TMEM132D: variants seen among roughly 807,000 people sequenced by gnomAD.
TMEM132D encodes the protein mature OL transmembrane protein.
A neutral mutation model predicts 62.3 loss-of-function variants in TMEM132D; 21 were observed. The observed-to-expected ratio is 0.34, with a 90% CI of 0.24 to 0.49. TMEM132D has a LOEUF of 0.49. Among genes scored for constraint, TMEM132D ranks in the 20% least tolerant of loss-of-function variants. The probability of loss-of-function intolerance (pLI) is 0.99; values close to 1 mark genes in which losing one functional copy is unlikely to be tolerated. For missense variants in TMEM132D, 1,346 were observed against 1,402.8 expected (o/e 0.96, Z 0.65); for synonymous variants, 621 against 575.6 (o/e 1.08, Z -1.13).
chr12:129,712,628 C>G (rs983790518), intron 1 of TMEM132D, among the ~76,000 whole-genome samples: 4 of 152,122 alleles, frequency 2.6e-5, no homozygotes, highest in African/African-American at 7.2e-5. Flanking sequence ...CTGGCGCTAC[C>G]AAGAAACTGA....
At position 129,082,144 on chromosome 12, in the gene TMEM132D, G is replaced by A. The variant is rs1593253579; in HGVS notation, c.1650-112C>T. 4.5e-6 allele frequency: 6 copies of A among 1,340,882 alleles called. No individual in the cohort carries two copies. In the East Asian group the frequency reaches 1.4e-4, roughly 31 times the overall value. The allele number at this position is 1,340,882 out of a possible 1,614,324, so 83.1% of individuals were successfully genotyped here. A position where few individuals can be genotyped will look rare whatever the true frequency, so the allele number is the denominator to read the frequency against. ...GGTAGGTAGGCCATGAGACTTCAAG[G>A]AGTTTATAGCCAGACATGCAGAGGT... On this transcript the variant is annotated intron_variant, in intron 6 of 8. Transcript: ENST00000422113.
At chr12:129,811,165 ATAAAATGT>A (rs1872165395) in intron 1 of TMEM132D, among the ~76,000 whole-genome samples, 2 of 151,912 alleles carry the variant, frequency 1.3e-5, no homozygotes, top group East Asian at 3.9e-4. Flanking sequence ...ACCGAAGAAC[ATAAAATGT>A]TTGGGGAAAA....
At chr12:129,680,289 G>A (rs1417990858) in intron 2 of TMEM132D, among the ~76,000 whole-genome samples, 2 of 152,082 alleles carry the variant, frequency 1.3e-5, no homozygotes, top group African/African-American at 4.8e-5. Flanking sequence ...TACATCCTTG[G>A]ATGATCTCTT....
chr12:129,096,783 C>T lies in TMEM132D; in HGVS notation c.1444-12081G>A, dbSNP rs143648870. 4.4e-3 allele frequency among the ~76,000 whole-genome samples: 675 copies of T among 152,278 alleles called. 2 individuals are homozygous for T. Among genetic ancestry groups the T allele is most frequent in the Non-Finnish European group, 7.1e-3 (485 of 68,028 alleles). On this transcript the variant is annotated intron_variant, in intron 5 of 8. Coordinates refer to ENST00000422113, the MANE Select transcript of TMEM132D (RefSeq NM_133448.3). The stretch of plus-strand genomic sequence containing the variant: ...GAAGATTCCATATATAGTCCATATT[C>T]TATAGCCTATTTTCTTCTAAAATCA...
intron 5 of TMEM132D, among the ~76,000 whole-genome samples, chr12:129,194,010 T>G (rs2135557736): frequency 6.6e-6 from 1 of 152,382 alleles, no homozygotes; most frequent in South Asian, 2.1e-4. Flanking sequence ...GCCTGACTTT[T>G]GGCATTTTGA....
chr12:129,612,631 T>C (rs1366618904), intron 2 of TMEM132D, among the ~76,000 whole-genome samples: 2 of 151,480 alleles, frequency 1.3e-5, no homozygotes, highest in Non-Finnish European at 2.9e-5. Context: ...TTTTAAAATA[T>C]ATATATATAT....
At chr12:129,336,197 A>T (rs1346505792) in intron 4 of TMEM132D, among the ~76,000 whole-genome samples, 2 of 152,240 alleles carry the variant, frequency 1.3e-5, no homozygotes, top group African/African-American at 4.8e-5. Context: ...TGTTGCTCTC[A>T]GCCAAATGCA....
intron 5 of TMEM132D, among the ~76,000 whole-genome samples, chr12:129,159,549 G>A (rs912032201): frequency 6.6e-6 from 1 of 152,090 alleles, no homozygotes; most frequent in Non-Finnish European, 1.5e-5. Context: ...TTGAGGCCAG[G>A]AGTTTGAGAC....
intron 5 of TMEM132D, among the ~76,000 whole-genome samples, chr12:129,101,017 T>C (rs188903719): frequency 6.6e-6 from 1 of 152,036 alleles, no homozygotes; most frequent in Non-Finnish European, 1.5e-5. Context: ...GTGGCACCAG[T>C]TGATGGCAGG....
chr12:129,330,540 A>G (rs1869070201), intron 4 of TMEM132D, among the ~76,000 whole-genome samples: 1 of 152,148 alleles, frequency 6.6e-6, no homozygotes, highest in Admixed American at 6.5e-5. Flanking sequence ...ATGTGAATAA[A>G]CCCATTCATG....
At chr12:129,182,159 C>T (rs940897148) in intron 5 of TMEM132D, among the ~76,000 whole-genome samples, 2 of 152,050 alleles carry the variant, frequency 1.3e-5, no homozygotes. Flanking sequence ...GTCAGGAGTT[C>T]GAGACCAGCC....
At chr12:129,572,288 C>T (rs150803917) in intron 2 of TMEM132D, among the ~76,000 whole-genome samples, 1,913 of 152,334 alleles carry the variant, frequency 0.013, 33 homozygotes, top group Middle Eastern at 0.051. Context: ...GCTGCCTTGA[C>T]GCCGCCTGTT....
intron 2 of TMEM132D, among the ~76,000 whole-genome samples, chr12:129,606,261 G>A (rs1045019824): frequency 3.3e-5 from 5 of 152,242 alleles, no homozygotes; most frequent in Middle Eastern, 3.4e-3. Flanking sequence ...CTTCAAAGGG[G>A]CTTGGGGCAA....
intron 3 of TMEM132D, among the ~76,000 whole-genome samples, chr12:129,513,941 C>T (rs1158329043): frequency 6.6e-6 from 1 of 151,394 alleles, no homozygotes; most frequent in African/African-American, 2.4e-5. Flanking sequence ...GGGTTTGTGC[C>T]ATTCTCCTGC....
intron 2 of TMEM132D, among the ~76,000 whole-genome samples, chr12:129,627,358 G>A (rs1201231394): frequency 6.6e-6 from 1 of 152,162 alleles, no homozygotes; most frequent in Non-Finnish European, 1.5e-5. Flanking sequence ...ACAGTAACAC[G>A]ATGCACAGGT....
rs181085834 is a variant in TMEM132D at position 129,613,175 on chromosome 12, C to T, written c.969-81970G>A. Among the ~76,000 whole-genome samples, 32 of 152,220 alleles carry T rather than the reference C, an allele frequency of 2.1e-4. No homozygotes were observed. In the South Asian group the frequency reaches 3.9e-3, roughly 19 times the overall value. On this transcript the variant is annotated intron_variant, in intron 2 of 8. Coordinates refer to ENST00000422113, the MANE Select transcript of TMEM132D (RefSeq NM_133448.3). ...ACACATTTCAGGAAACAGCTCACCC[C>T]GTCACTTTGGCACGTAACTGCCAAG... is the stretch of plus-strand genomic sequence containing the variant.
intron 3 of TMEM132D, among the ~76,000 whole-genome samples, chr12:129,397,766 G>A (rs1871473191): frequency 6.6e-6 from 1 of 152,166 alleles, no homozygotes; most frequent in Admixed American, 6.5e-5. Context: ...AGAACTGAAA[G>A]GAAAGGTCCA....
At position 129,426,767 on chromosome 12, in the gene TMEM132D, C is replaced by T. The variant is rs1872513668; in HGVS notation, c.1116-88950G>A. 2.0e-5 allele frequency among the ~76,000 whole-genome samples: 3 copies of T among 152,306 alleles called. 1 individual carries two copies. In the South Asian group the frequency reaches 6.2e-4, roughly 32 times the overall value. On this transcript the variant is annotated intron_variant, in intron 3 of 8. Transcript: ENST00000422113. ...CACAGGAGGGAAGGATTATTATCAC[C>T]GTTTTTCAAAGAGGAAAACCGAGGC...
intron 2 of TMEM132D, among the ~76,000 whole-genome samples, chr12:129,678,248 A>G (rs1012355854): frequency 1.3e-5 from 2 of 152,078 alleles, no homozygotes; most frequent in African/African-American, 4.8e-5. Context: ...GAGTTGTACC[A>G]TTTGTTTCTC....
Sources: gnomAD v4.1 joint callset for allele counts (sites outside exome capture counted in the v4.1 genomes callset) on GRCh38, gnomAD v4.1.1 for gene constraint, MANE v1.5 for transcripts, NCBI Gene and HGNC (gene_info 2026-07-23, HGNC 2026-07-21) for gene names.